The following SGCD variants were observed in gnomAD, a reference collection of about 807,000 sequenced individuals.
The protein encoded by SGCD is sarcoglycan delta.
SGCD carries 18 observed loss-of-function variants against 36.6 expected under a neutral mutation model. The ratio of observed to expected loss-of-function variants is 0.49; its 90% CI spans 0.34 to 0.73. The LOEUF is 0.73. Among genes scored for constraint, SGCD ranks in the 30% least tolerant of loss-of-function variants. The pLI, the probability that SGCD is intolerant of heterozygous loss-of-function variation, is 0.01. For synonymous variants in SGCD, 133 were observed against 130.6 expected (o/e 1.02, Z -0.12); for missense variants, 387 against 346.7 (o/e 1.12, Z -0.92).
intron 3 of SGCD, among the ~76,000 whole-genome samples, chr5:156,140,243 A>G (rs1283083990): frequency 6.6e-6 from 1 of 152,234 alleles, no homozygotes; most frequent in African/African-American, 2.4e-5. Context: ...GAAGTCGGTA[A>G]TGGGTAGAGG....
At chr5:155,758,777 A>G in the SGCD span, among the ~76,000 whole-genome samples, 1 of 152,146 alleles carries the variant, frequency 6.6e-6, no homozygotes, top group African/African-American at 2.4e-5. Flanking sequence ...ATTGTCTTCC[A>G]CAAAACTGGT....
chr5:156,075,958 A>C (rs1194732173), intron 1 of SGCD, among the ~76,000 whole-genome samples: 1 of 152,184 alleles, frequency 6.6e-6, no homozygotes, highest in African/African-American at 2.4e-5. Flanking sequence ...TGGAATCCTA[A>C]ACTAATCTTT....
intron 3 of SGCD, among the ~76,000 whole-genome samples, chr5:156,137,386 A>G (rs1762484703): frequency 6.6e-6 from 1 of 152,222 alleles, no homozygotes; most frequent in South Asian, 2.1e-4. Context: ...ATTCAACTAT[A>G]TACAATGGAA....
intron 6 of SGCD, among the ~76,000 whole-genome samples, chr5:156,638,111 C>A (rs1055058061): frequency 6.6e-6 from 1 of 151,738 alleles, no homozygotes; most frequent in African/African-American, 2.4e-5. Flanking sequence ...CCAGGAAATT[C>A]TTAAAATCAT....
At chr5:155,972,801 G>A (rs531122085) in intron 1 of SGCD, among the ~76,000 whole-genome samples, 5 of 152,024 alleles carry the variant, frequency 3.3e-5, no homozygotes, top group Non-Finnish European at 7.4e-5. Context: ...ATTTTAATTT[G>A]CATTTCTTGG....
Position 156,106,095 on chromosome 5 carries a change from G to A in SGCD, c.-281-11783G>A, listed in dbSNP as rs1416821972. 3.6e-5 allele frequency among the ~76,000 whole-genome samples: 4 copies of A among 110,242 alleles called. No homozygotes were observed. The Admixed American group carries it at 5.0e-4, about 14-fold the overall frequency. 72.3% of individuals were successfully genotyped at this position (110,242 alleles called of 152,430 possible). A position where few individuals can be genotyped will look rare whatever the true frequency, so the allele number is the denominator to read the frequency against. Reference sequence around the variant, plus strand: ...ACTGCACTCCAGCCTGGGTGACAGAGTGAGACTCTGCCTCAAAAAAAAAAA... The same window carrying A: ...ACTGCACTCCAGCCTGGGTGACAGAATGAGACTCTGCCTCAAAAAAAAAAA... On this transcript the variant is annotated intron_variant, in intron 1 of 9. Coordinates refer to the SGCD transcript ENST00000517913.
intron 3 of SGCD, among the ~76,000 whole-genome samples, chr5:156,400,761 A>T (rs1474167376): frequency 6.6e-6 from 1 of 152,250 alleles, no homozygotes; most frequent in Non-Finnish European, 1.5e-5. Flanking sequence ...GGACTCTCCT[A>T]TGATTTGAAA....
chr5:156,517,341 G>A (rs1025958066), intron 4 of SGCD, among the ~76,000 whole-genome samples: 7 of 152,284 alleles, frequency 4.6e-5, no homozygotes, highest in African/African-American at 1.4e-4. Flanking sequence ...ATAGGATTAT[G>A]TAAAAAGAAT....
chr5:156,144,236 C>A (rs1385719858), intron 3 of SGCD, among the ~76,000 whole-genome samples: 1 of 151,960 alleles, frequency 6.6e-6, no homozygotes, highest in Admixed American at 6.6e-5. Flanking sequence ...GATTTATAAT[C>A]CTTTGGGTAT....
At chr5:156,392,034 G>C (rs951317511) in intron 3 of SGCD, among the ~76,000 whole-genome samples, 1 of 152,200 alleles carries the variant, frequency 6.6e-6, no homozygotes, top group African/African-American at 2.4e-5. Context: ...TACGTATATT[G>C]AATGTATTAG....
At chr5:156,610,603 C>A (rs1005284723) in intron 6 of SGCD, among the ~76,000 whole-genome samples, 7 of 152,198 alleles carry the variant, frequency 4.6e-5, no homozygotes, top group Non-Finnish European at 8.8e-5. Flanking sequence ...GCGGAGGTTT[C>A]TGCTGCCTTT....
chr5:156,012,366 T>C (rs1407730362), intron 1 of SGCD, among the ~76,000 whole-genome samples: 4 of 152,162 alleles, frequency 2.6e-5, no homozygotes, highest in African/African-American at 7.2e-5. Context: ...AGGCTATGTT[T>C]GAAAATTTAT....
chr5:156,585,511 C>T (rs1760455517), intron 4 of SGCD, among the ~76,000 whole-genome samples: 1 of 152,110 alleles, frequency 6.6e-6, no homozygotes, highest in South Asian at 2.1e-4. Context: ...TTTTAGTAAA[C>T]ATAGAGCACT....
At position 155,915,286 on chromosome 5, in the gene SGCD, A is replaced by G. The variant is rs184729852; in HGVS notation, c.-282+44862A>G. ...CTGTTTATGCACTCTATGTGTGTCT[A>G]TGCTTCATACACAATTTGAGTAAGG... On this transcript the variant is annotated intron_variant, in intron 1 of 9. Coordinates refer to the SGCD transcript ENST00000517913. Among the ~76,000 whole-genome samples, 240 of 152,264 alleles carry G rather than the reference A, an allele frequency of 1.6e-3. 1 individual carries two copies. Among genetic ancestry groups the G allele is most frequent in the Non-Finnish European group, 2.6e-3 (175 of 68,018 alleles).
the SGCD span, among the ~76,000 whole-genome samples, chr5:155,843,575 C>T: frequency 2.6e-5 from 4 of 152,240 alleles, no homozygotes; most frequent in East Asian, 1.9e-4. Context: ...TATATACAGT[C>T]GAAGGCTCAA....
intron 3 of SGCD, among the ~76,000 whole-genome samples, chr5:156,154,684 C>G (rs1407969934): frequency 1.3e-5 from 2 of 151,614 alleles, no homozygotes; most frequent in African/African-American, 4.9e-5. Flanking sequence ...ATGTGAGAAA[C>G]AGTGGCTGAC....
intron 4 of SGCD, among the ~76,000 whole-genome samples, chr5:156,546,612 A>G (rs1227105944): frequency 6.6e-6 from 1 of 152,216 alleles, no homozygotes; most frequent in Non-Finnish European, 1.5e-5. Flanking sequence ...TAGAAGGAAA[A>G]AAAAAATGAG....
chr5:155,977,813 G>T (rs1341932108), intron 1 of SGCD, among the ~76,000 whole-genome samples: 1 of 152,116 alleles, frequency 6.6e-6, no homozygotes, highest in Non-Finnish European at 1.5e-5. Flanking sequence ...TGGTCAGAAT[G>T]GGCCGGGCGC....
At chr5:156,562,998 A>T (rs1469593963) in intron 4 of SGCD, among the ~76,000 whole-genome samples, 1 of 152,012 alleles carries the variant, frequency 6.6e-6, no homozygotes, top group Non-Finnish European at 1.5e-5. Context: ...TTATTTTGAG[A>T]CGGAGTTTTG....
Sources: allele counts gnomAD v4.1 joint callset (sites outside exome capture counted in the v4.1 genomes callset), GRCh38; gene constraint gnomAD v4.1.1; transcripts MANE v1.5; gene names NCBI Gene and HGNC (gene_info 2026-07-23, HGNC 2026-07-21).